Variants in SYT2 observed in about 807,000 individuals in gnomAD.
SYT2 encodes synaptotagmin 2.
In SYT2, 15 loss-of-function variants were observed where a neutral mutation model predicts 39.9. That is an observed-to-expected ratio of 0.38 (90% confidence interval 0.25 to 0.58). The LOEUF (loss-of-function observed/expected upper bound fraction) is 0.58. SYT2 is among the 20% of genes least tolerant of loss of function. The probability of loss-of-function intolerance (pLI) is 0.70; values close to 1 mark genes in which losing one functional copy is unlikely to be tolerated. For missense variants in SYT2, 389 were observed against 530.3 expected, an observed-to-expected ratio of 0.73 and a Z score of 2.62; for synonymous variants, 181 against 204.5, an observed-to-expected ratio of 0.89 and a Z score of 0.98.
intron 1 of SYT2, among the ~76,000 whole-genome samples, chr1:202,687,187 C>T (rs1653689733): frequency 1.3e-5 from 2 of 152,130 alleles, no homozygotes; most frequent in African/African-American, 4.8e-5. Flanking sequence ...TTCTCACAGG[C>T]GCCACTGAGG....
At chr1:202,652,403 T>C (rs1276288133) in intron 1 of SYT2, among the ~76,000 whole-genome samples, 2 of 152,210 alleles carry the variant, frequency 1.3e-5, no homozygotes, top group African/African-American at 4.8e-5. Context: ...GCTCCTCCTT[T>C]GAATTTGGGC....
intron 1 of SYT2, among the ~76,000 whole-genome samples, chr1:202,626,358 T>C (rs1421270880): frequency 6.6e-6 from 1 of 151,534 alleles, no homozygotes; most frequent in African/African-American, 2.4e-5. Context: ...CTTTCCATCC[T>C]TTGGAAAGTG....
rs1690231903 is a variant in SYT2, at chr1:202,594,820, A to G, written c.*1937T>C. 6.6e-6 allele frequency: 1 copy of G among 152,070 alleles called. No homozygotes were observed. Among genetic ancestry groups the G allele is most frequent in the Non-Finnish European group, 1.5e-5 (1 of 67,996 alleles). The allele number at this position is 152,070 out of a possible 1,614,324, so 9.4% of individuals were successfully genotyped here. ...TTTCCAGTCTGTTTCTGGTGGGGGT[A>G]TTCCCTCATTTCCCTCACTCCTTCA... On this transcript the variant is annotated 3_prime_UTR_variant, in exon 9 of 9. Coordinates refer to ENST00000367268, the MANE Select transcript of SYT2 (RefSeq NM_177402.5).
At chr1:202,613,712 C>T (rs1690953693) in intron 1 of SYT2, among the ~76,000 whole-genome samples, 1 of 152,182 alleles carries the variant, frequency 6.6e-6, no homozygotes, top group Non-Finnish European at 1.5e-5. Context: ...AGTCCTCCTC[C>T]CCTTTCTGCA....
At chr1:202,634,493 CAA>C (rs796176516) in intron 1 of SYT2, among the ~76,000 whole-genome samples, 6 of 133,666 alleles carry the variant, frequency 4.5e-5, no homozygotes, top group African/African-American at 1.1e-4. Flanking sequence ...AACTCCATCT[CAA>C]AAAAAAAAAA....
intron 1 of SYT2, among the ~76,000 whole-genome samples, chr1:202,706,344 T>C (rs536976909): frequency 2.0e-5 from 3 of 151,954 alleles, no homozygotes; most frequent in African/African-American, 7.2e-5. Context: ...CAGTGCTCCC[T>C]GCAGCTGGAG....
At chr1:202,606,227 G>A (rs1037915906) in intron 1 of SYT2, among the ~76,000 whole-genome samples, 2 of 152,118 alleles carry the variant, frequency 1.3e-5, no homozygotes, top group African/African-American at 4.8e-5. Context: ...GGGGAAACAG[G>A]TTCAGAGAGG....
At chr1:202,696,699 C>T (rs1209415430) in intron 1 of SYT2, among the ~76,000 whole-genome samples, 1 of 152,168 alleles carries the variant, frequency 6.6e-6, no homozygotes, top group African/African-American at 2.4e-5. Context: ...ACCAGTGTCA[C>T]ACAGATGAAA....
chr1:202,684,003 A>T (rs1653594513), intron 1 of SYT2, among the ~76,000 whole-genome samples: 2 of 151,888 alleles, frequency 1.3e-5, no homozygotes, highest in African/African-American at 2.4e-5. Context: ...CATATTAACT[A>T]TTTATGTTAT....
chr1:202,629,721 T>C (rs1332939019), intron 1 of SYT2, among the ~76,000 whole-genome samples: 2 of 151,988 alleles, frequency 1.3e-5, no homozygotes, highest in African/African-American at 4.8e-5. Flanking sequence ...ATTTTAAAAT[T>C]AGCCAGGCAT....
chr1:202,612,491 C>T (rs1474689376), intron 1 of SYT2, among the ~76,000 whole-genome samples: 1 of 152,156 alleles, frequency 6.6e-6, no homozygotes, highest in Non-Finnish European at 1.5e-5. Context: ...CCTCAGCCTT[C>T]TGAGTAGCTA....
intron 1 of SYT2, among the ~76,000 whole-genome samples, chr1:202,630,795 C>T (rs182135346): frequency 6.6e-6 from 1 of 152,224 alleles, no homozygotes; most frequent in Non-Finnish European, 1.5e-5. Flanking sequence ...TCTTTCCACA[C>T]CCCGGGCCCC....
intron 1 of SYT2, among the ~76,000 whole-genome samples, chr1:202,693,416 TG>T (rs1402458333): frequency 6.6e-6 from 1 of 152,200 alleles, no homozygotes; most frequent in African/African-American, 2.4e-5. Context: ...CGCCTGCATC[TG>T]GGCATGACCA....
chr1:202,625,946 ATGTGTG>A (rs1464724052), intron 1 of SYT2, among the ~76,000 whole-genome samples: 2 of 152,200 alleles, frequency 1.3e-5, no homozygotes, highest in African/African-American at 2.4e-5. Context: ...GTGTATGTGT[ATGTGTG>A]TGCACGTGAA....
intron 1 of SYT2, among the ~76,000 whole-genome samples, chr1:202,695,656 G>A (rs12040487): frequency 0.32 from 48,155 of 152,048 alleles, 7,730 homozygotes; most frequent in South Asian, 0.43. Context: ...AGGGGACCTG[G>A]CATCTTCCTC....
At position 202,628,602 on chromosome 1, in the gene SYT2, A is replaced by G. The variant is rs182387297; in HGVS notation, c.-17-22813T>C. ...GGGGGCACAATTAGGTGCTCCAAAG[A>G]AGCCAGCTCTCTCCTGCCTGACCGG... is the stretch of plus-strand genomic sequence containing the variant. On this transcript the variant is annotated intron_variant, in intron 1 of 8. Transcript: ENST00000367268. This position sits in a 1 kb window ranked among gnomAD's most constrained non-coding sequence, Gnocchi z 4.2. 6.6e-6 allele frequency among the ~76,000 whole-genome samples: 1 copy of G among 152,318 alleles called. No homozygotes were observed. The highest frequency in any genetic ancestry group is 2.4e-5 in the African/African-American group (1 of 41,564).
intron 1 of SYT2, among the ~76,000 whole-genome samples, chr1:202,660,475 A>G (rs1398435169): frequency 6.6e-6 from 1 of 152,236 alleles, no homozygotes; most frequent in East Asian, 1.9e-4. Context: ...TTCACCAAAT[A>G]GCTCCCAGAC....
In SYT2 at chr1:202,628,056, CG is replaced by C. The variant is rs886479599; in HGVS notation, c.-17-22268del. 6.6e-6 allele frequency among the ~76,000 whole-genome samples: 1 copy of C among 152,104 alleles called. No individual in the cohort carries two copies. The highest frequency in any genetic ancestry group is 2.4e-5 in the African/African-American group (1 of 41,428). On this transcript the variant is annotated intron_variant, in intron 1 of 8. Transcript: ENST00000367268. This position sits in a 1 kb window ranked among gnomAD's most constrained non-coding sequence, Gnocchi z 4.2. ...AAGCACACTGGGAAGGTGGGTCTAACGGGAAGATCACAAAGGCACCGGGCTC... is the reference window on the plus strand; with the variant it reads ...AAGCACACTGGGAAGGTGGGTCTAACGGAAGATCACAAAGGCACCGGGCTC...
intron 8 of SYT2, among the ~76,000 whole-genome samples, chr1:202,597,230 G>A (rs1469913603): frequency 6.6e-6 from 1 of 152,196 alleles, no homozygotes; most frequent in Non-Finnish European, 1.5e-5. Flanking sequence ...AAGAGGGAAG[G>A]AAAAGTGAAA....
Sources: allele counts gnomAD v4.1 joint callset (sites outside exome capture counted in the v4.1 genomes callset), GRCh38; gene constraint gnomAD v4.1.1; non-coding constraint Gnocchi (gnomAD v3.1); transcripts MANE v1.5; gene names NCBI Gene and HGNC (gene_info 2026-07-23, HGNC 2026-07-21).